The following GNAS variants were observed in gnomAD, a reference collection of about 807,000 sequenced individuals.
GNAS encodes GNAS complex locus.
A neutral mutation model predicts 54.5 loss-of-function variants in GNAS; 8 were observed. That is an observed-to-expected ratio of 0.15 (90% CI 0.09 to 0.26). The LOEUF (loss-of-function observed/expected upper bound fraction) is 0.26, where lower values mean the gene tolerates loss of function less well. Ranked by LOEUF, GNAS falls within the 10% of genes least tolerant of loss-of-function variation. GNAS has a pLI of 1.00. For synonymous variants in GNAS, 204 were observed against 191.4 expected (o/e 1.07, Z -0.54); for missense variants, 170 against 529.8 (o/e 0.32, Z 6.67).
chr20:58,850,515 C>A, intron 1 of GNAS: 1 of 398,664 alleles, frequency 2.5e-6, no homozygotes, highest in South Asian at 1.3e-4. Context: ...GGCTCCAACC[C>A]CAATGTCTAC....
chr20:58,887,702 A>C (rs772815755), upstream of GNAS, among the ~76,000 whole-genome samples: 2 of 152,218 alleles, frequency 1.3e-5, no homozygotes, highest in Admixed American at 6.5e-5. Flanking sequence ...TTTTCAGCCA[A>C]GTTCAAGAAA....
At chr20:58,893,189 G>A (rs1184590081) in intron 1 of GNAS, among the ~76,000 whole-genome samples, 2 of 149,470 alleles carry the variant, frequency 1.3e-5, no homozygotes, top group African/African-American at 2.5e-5. Context: ...TTTATCAAGT[G>A]ACATTTAGTT....
intron 1 of GNAS, among the ~76,000 whole-genome samples, chr20:58,878,472 CA>C (rs2087986700): frequency 6.6e-6 from 1 of 152,194 alleles, no homozygotes; most frequent in Non-Finnish European, 1.5e-5. Flanking sequence ...TTACTTCTTA[CA>C]TTTAGCAAGA....
chr20:58,882,908 T>C (rs903067669), intron 1 of GNAS: 2 of 152,216 alleles, frequency 1.3e-5, no homozygotes, highest in African/African-American at 2.4e-5. Flanking sequence ...GTTTCATTTA[T>C]ATTTTTACCT....
chr20:58,882,780 G>T (rs1176114916), intron 1 of GNAS: 2 of 152,168 alleles, frequency 1.3e-5, no homozygotes, highest in African/African-American at 4.8e-5. Flanking sequence ...TCCCAAGTCT[G>T]TCTTTCTTAC....
intron 1 of GNAS, among the ~76,000 whole-genome samples, chr20:58,893,439 A>T (rs1005022761): frequency 2.6e-5 from 4 of 152,200 alleles, no homozygotes; most frequent in African/African-American, 9.7e-5. Context: ...TGAATTTGCT[A>T]GGTTAAGACC....
chr20:58,890,045 C>T (rs1250859858), upstream of GNAS, among the ~76,000 whole-genome samples: 1 of 151,544 alleles, frequency 6.6e-6, no homozygotes, highest in Admixed American at 6.6e-5. Flanking sequence ...CCGAGAAGCT[C>T]GCGAAGAACC....
At chr20:58,901,831 G>A (rs1458478414) in intron 3 of GNAS, among the ~76,000 whole-genome samples, 8 of 140,534 alleles carry the variant, frequency 5.7e-5, no homozygotes, top group African/African-American at 1.8e-4. Flanking sequence ...TGACCCCACC[G>A]TCCGTCCCCG....
chr20:58,892,224 G>C, intron 1 of GNAS: 2 of 963,968 alleles, frequency 2.1e-6, no homozygotes, highest in Non-Finnish European at 2.5e-6. Context: ...GTGTTGGGGA[G>C]GGGGAGGGGG....
chr20:58,855,413 TA>T (rs2086435193), intron 1 of GNAS: 1 of 1,303,036 alleles, frequency 7.7e-7, no homozygotes, highest in Non-Finnish European at 1.1e-6. Context: ...CTGGTGGGGC[TA>T]GGGGCTCCGC....
intron 1 of GNAS, among the ~76,000 whole-genome samples, chr20:58,845,480 C>A (rs993354973): frequency 2.0e-5 from 3 of 152,104 alleles, no homozygotes; most frequent in Non-Finnish European, 4.4e-5. Context: ...CGCACCGCAT[C>A]CCCCAAAACC....
In GNAS at chr20:58,891,594, G is replaced by GCTCCTTGCCGAGGAGCCGAGCCCGCGCC; in HGVS notation, c.-131_-104dup. The GCTCCTTGCCGAGGAGCCGAGCCCGCGCC allele has an allele frequency of 2.1e-6, 2 of 970,188 alleles. No individual in the cohort carries two copies. Among genetic ancestry groups the GCTCCTTGCCGAGGAGCCGAGCCCGCGCC allele is most frequent in the Non-Finnish European group, 2.4e-6 (2 of 822,480 alleles). The allele number at this position is 970,188 out of a possible 1,614,324, so 60.1% of individuals were successfully genotyped here. A position where few individuals can be genotyped will look rare whatever the true frequency, so the allele number is the denominator to read the frequency against. On this transcript the variant is annotated 5_prime_UTR_variant, in exon 1 of 13. Transcript: ENST00000371085. ...CCGCGGCCCGCAGTCCGCCCCGCGC[G>GCTCCTTGCCGAGGAGCCGAGCCCGCGCC]CTCCTTGCCGAGGAGCCGAGCCCGC...
chr20:58,841,237 T>G lies in GNAS; in HGVS notation c.43+351T>G. On this transcript the variant is annotated intron_variant, in intron 1 of 12. Coordinates refer to the GNAS transcript ENST00000306090. This position sits in a 1 kb window ranked among gnomAD's most constrained non-coding sequence, Gnocchi z 5.0. ...AACGGCATTGGTAAGTCACTTGTTT[T>G]GCGCGCTTTTCTTCCTCCTAGAAAG... The G allele has an allele frequency of 1.2e-6, 1 of 859,362 alleles. No homozygotes were observed. The highest frequency in any genetic ancestry group is 1.5e-6 in the Non-Finnish European group (1 of 672,066). 53.2% of individuals were successfully genotyped at this position (859,362 alleles called of 1,614,324 possible). A position where few individuals can be genotyped will look rare whatever the true frequency, so the allele number is the denominator to read the frequency against.
chr20:58,853,716 C>T lies in GNAS; in HGVS notation c.43+12830C>T, dbSNP rs538676342. ...AGCCTTCAGTGGTGCCAGACCAGGC[C>T]TGGGAGGATACAGCCCTCCACCAGA... On this transcript the variant is annotated intron_variant, in intron 1 of 12. Coordinates refer to the GNAS transcript ENST00000306090. The surrounding 1 kb of genome is among the most constrained non-coding windows in gnomAD (Gnocchi z 4.4). 7.4e-6 allele frequency: 12 copies of T among 1,613,892 alleles called. No individual in the cohort carries two copies. In the East Asian group the frequency reaches 2.7e-4, roughly 36 times the overall value.
At chr20:58,889,022 C>T (rs919430247), upstream of GNAS, 21 of 978,604 alleles carry the variant, frequency 2.1e-5, no homozygotes, top group African/African-American at 3.5e-4. Flanking sequence ...GCCTGCACCC[C>T]CAGGGTGCGC....
At chr20:58,845,194 T>C (rs1275594165) in intron 1 of GNAS, among the ~76,000 whole-genome samples, 2 of 152,208 alleles carry the variant, frequency 1.3e-5, no homozygotes, top group Non-Finnish European at 2.9e-5. Flanking sequence ...GGAACATTGG[T>C]TGAGTGACCA....
At chr20:58,849,787 G>T (rs1454290075) in intron 1 of GNAS, among the ~76,000 whole-genome samples, 1 of 152,184 alleles carries the variant, frequency 6.6e-6, no homozygotes, top group Non-Finnish European at 1.5e-5. Flanking sequence ...ACCGTGCTAG[G>T]TCTCTCCTTT....
rs1426129473 is a variant in GNAS at position 58,852,957 on chromosome 20, AAAAG to A, written c.43+12077_43+12080del. ...AAGCAGGCGGGACTGGCCTGGAGCA[AAAAG>A]AAAGAGAGAGGAGGGCGTAAGGATA... On this transcript the variant is annotated intron_variant, in intron 1 of 12. Coordinates refer to the GNAS transcript ENST00000306090. The A allele has an allele frequency of 1.2e-4, 128 of 1,098,836 alleles. 1 individual carries two copies. In the South Asian group the frequency reaches 2.5e-3, roughly 22 times the overall value. The allele number at this position is 1,098,836 out of a possible 1,614,324, so 68.1% of individuals were successfully genotyped here. A position where few individuals can be genotyped will look rare whatever the true frequency, so the allele number is the denominator to read the frequency against.
At position 58,910,917 on chromosome 20, in the gene GNAS, A is replaced by G; in HGVS notation, c.*88A>G. On this transcript the variant is annotated 3_prime_UTR_variant, in exon 13 of 13. Transcript: ENST00000371085. This position sits in a 1 kb window ranked among gnomAD's most constrained non-coding sequence, Gnocchi z 5.8. ...GTACAAGCAGTTAATCACCCACCAT[A>G]GGGCATGATTAACAAAGCAACCTTT... 1 of 1,297,790 alleles carries G rather than the reference A, an allele frequency of 7.7e-7. No homozygotes were observed. The highest frequency in any genetic ancestry group is 1.1e-6 in the Non-Finnish European group (1 of 901,794). 80.4% of individuals were successfully genotyped at this position (1,297,790 alleles called of 1,614,324 possible).
Sources: gnomAD v4.1 joint callset for allele counts (sites outside exome capture counted in the v4.1 genomes callset) on GRCh38, gnomAD v4.1.1 for gene constraint, Gnocchi (gnomAD v3.1) non-coding constraint, MANE v1.5 for transcripts, NCBI Gene and HGNC (gene_info 2026-07-23, HGNC 2026-07-21) for gene names.